Variants in IGF2R observed in about 807,000 individuals in gnomAD.
IGF2R encodes insulin like growth factor 2 receptor, also known as cation-independent mannose-6-phosphate receptor.
Under a neutral mutation model 270.6 loss-of-function variants are expected in IGF2R, and 91 were observed. That is an observed-to-expected ratio of 0.34 (90% CI 0.28 to 0.40). IGF2R has a LOEUF of 0.40. Ranked by LOEUF, IGF2R falls within the 10% of genes least tolerant of loss-of-function variation. The pLI is 1.00. For synonymous variants in IGF2R, 1,316 were observed against 1,258.9 expected, an observed-to-expected ratio of 1.05 and a Z score of -0.96; for missense variants, 2,805 against 3,188.3, an observed-to-expected ratio of 0.88 and a Z score of 2.90.
chr6:160,028,681 C>T (rs886604552), intron 6 of IGF2R, among the ~76,000 whole-genome samples: 1 of 152,108 alleles, frequency 6.6e-6, no homozygotes, highest in Admixed American at 6.5e-5. Flanking sequence ...GAAGAGAACC[C>T]CAGTTCAGTA....
chr6:160,025,231 G>A (rs1392867744), intron 5 of IGF2R, among the ~76,000 whole-genome samples: 5 of 152,100 alleles, frequency 3.3e-5, no homozygotes, highest in African/African-American at 1.2e-4. Flanking sequence ...ATCTAAAAAG[G>A]GCCATGAAAA....
chr6:160,094,127 A>G, intron 44 of IGF2R: 1 of 438,056 alleles, frequency 2.3e-6, no homozygotes, highest in African/African-American at 2.0e-5. Context: ...TTGCATAACA[A>G]CCCCAAATAT....
intron 35 of IGF2R, 71 bp from the exon 36 acceptor site, chr6:160,075,776 A>C: frequency 6.6e-7 from 1 of 1,517,938 alleles, no homozygotes; most frequent in South Asian, 1.2e-5. Context: ...ATTCTGTATC[A>C]ATTCTTAATT....
chr6:160,045,349 TTTTG>T (rs1268704504), intron 13 of IGF2R, among the ~76,000 whole-genome samples: 2 of 152,204 alleles, frequency 1.3e-5, no homozygotes, highest in African/African-American at 2.4e-5. Flanking sequence ...GCTAGGGTCA[TTTTG>T]TTTGTTTGTT....
chr6:160,096,222 C>A, intron 44 of IGF2R: 1 of 432,526 alleles, frequency 2.3e-6, no homozygotes, highest in Non-Finnish European at 4.1e-6. Flanking sequence ...TAAAACAAAA[C>A]AAAAATTCTT....
intron 22 of IGF2R, among the ~76,000 whole-genome samples, chr6:160,059,514 A>C (rs1778387285): frequency 6.6e-6 from 1 of 152,176 alleles, no homozygotes; most frequent in East Asian, 1.9e-4. Context: ...TCAGGCATTC[A>C]CTGTGGGTCT....
In IGF2R at chr6:160,084,710, C is replaced by T. The variant is rs536131385; in HGVS notation, c.6069-285C>T. Among the ~76,000 whole-genome samples, 16 of 152,302 alleles carry T rather than the reference C, an allele frequency of 1.1e-4. No individual in the cohort carries two copies. The South Asian group carries it at 3.3e-3, about 32-fold the overall frequency. On this transcript the variant is annotated intron_variant, in intron 40 of 47. Coordinates refer to ENST00000356956, the MANE Select transcript of IGF2R (RefSeq NM_000876.4). The surrounding 1 kb of genome is among the most constrained non-coding windows in gnomAD (Gnocchi z 4.6). ...AGATTCTAGCCACTGCCTCTCCCAG[C>T]CCCGGAGCCCTTCTTTCTACTGTAC...
intron 4 of IGF2R, among the ~76,000 whole-genome samples, chr6:160,017,385 A>G (rs1255518436): frequency 6.6e-6 from 1 of 152,250 alleles, no homozygotes; most frequent in Non-Finnish European, 1.5e-5. Flanking sequence ...ATCCAAACCT[A>G]TAAAGCATAG....
intron 1 of IGF2R, among the ~76,000 whole-genome samples, chr6:159,990,483 G>A (rs1783960150): frequency 1.3e-5 from 2 of 152,138 alleles, no homozygotes; most frequent in East Asian, 3.8e-4. Context: ...AGTTTCTTGA[G>A]GCCTCCCTAG....
At chr6:160,023,553 T>C (rs1777484360) in intron 4 of IGF2R, among the ~76,000 whole-genome samples, 1 of 152,164 alleles carries the variant, frequency 6.6e-6, no homozygotes, top group African/African-American at 2.4e-5. Flanking sequence ...ACTCAGGCCT[T>C]ACAGCAGCCC....
intron 1 of IGF2R, among the ~76,000 whole-genome samples, chr6:159,981,307 G>A (rs1405181791): frequency 6.6e-6 from 1 of 151,864 alleles, no homozygotes; most frequent in Non-Finnish European, 1.5e-5. Flanking sequence ...GTGTGTGTCT[G>A]AGTGTCTGTG....
At position 160,083,984 on chromosome 6, in the gene IGF2R, G is replaced by A; in HGVS notation, c.5868G>A (p.Lys1956=). 9.3e-6 allele frequency: 15 copies of A among 1,613,884 alleles called. No homozygotes were observed. Among genetic ancestry groups the A allele is most frequent in the Non-Finnish European group, 1.3e-5 (15 of 1,179,742 alleles). Residue 1956 remains lysine, a synonymous_variant, in exon 40 of 48, where the codon AAG becomes AAA. Coordinates refer to ENST00000356956, the MANE Select transcript of IGF2R (RefSeq NM_000876.4). The part of the protein sequence containing the change: ...NSYRTSSIIF[K]CDEDEDIGRP... ...ACCGGACATCCAGCATCATATTTAA[G>A]TGTGATGAAGATGAGGACATTGGGA...
At chr6:159,988,512 CAAAAAAAA>C (rs59531292) in intron 1 of IGF2R, among the ~76,000 whole-genome samples, 3 of 50,478 alleles carry the variant, frequency 5.9e-5, no homozygotes, top group Admixed American at 2.2e-4. Context: ...GACTCCGTCT[CAAAAAAAA>C]AAAAAAAAAA....
At chr6:160,087,778 C>T (rs1779126768) in intron 41 of IGF2R, among the ~76,000 whole-genome samples, 1 of 152,176 alleles carries the variant, frequency 6.6e-6, no homozygotes, top group African/African-American at 2.4e-5. Context: ...CGGGTTCAAG[C>T]AATTCTCCTG....
intron 44 of IGF2R, 102 bp from the exon 45 acceptor site, chr6:160,096,337 G>C (rs1336781534): frequency 9.4e-7 from 1 of 1,058,990 alleles, no homozygotes; most frequent in African/African-American, 1.6e-5. Flanking sequence ...TCTTCTGCCT[G>C]ATTTTAAGTC....
rs1186577890 is a variant in IGF2R, at chr6:159,969,181, G to T, written c.-66G>T. ...TGCCCTGGCGGCGCGACCCCGTCCC[G>T]GGCGCGGCCCCCAGCAGTCGCGCGC... On this transcript the variant is annotated 5_prime_UTR_variant, in exon 1 of 48. Transcript: ENST00000356956. 2.1e-6 allele frequency: 2 copies of T among 943,854 alleles called. No individual in the cohort carries two copies. Among genetic ancestry groups the T allele is most frequent in the South Asian group, 9.6e-5 (2 of 20,802 alleles). 58.5% of individuals were successfully genotyped at this position (943,854 alleles called of 1,614,324 possible).
chr6:160,015,983 G>A (rs1381169826), intron 4 of IGF2R, among the ~76,000 whole-genome samples: 1 of 152,206 alleles, frequency 6.6e-6, no homozygotes, highest in Non-Finnish European at 1.5e-5. Flanking sequence ...CTCCCCAGAA[G>A]CCGAGCTATG....
At chr6:160,025,752 A>G (rs1476122752) in intron 5 of IGF2R, among the ~76,000 whole-genome samples, 1 of 152,174 alleles carries the variant, frequency 6.6e-6, no homozygotes, top group East Asian at 1.9e-4. Context: ...GAAAAAGACT[A>G]ATACAGTCTT....
chr6:160,070,879 T>C (rs1379483859), intron 31 of IGF2R, among the ~76,000 whole-genome samples: 1 of 152,186 alleles, frequency 6.6e-6, no homozygotes, highest in Non-Finnish European at 1.5e-5. Flanking sequence ...GGAAGTTTCC[T>C]CTTGGGAAGA....
Sources: gnomAD v4.1 joint callset for allele counts (sites outside exome capture counted in the v4.1 genomes callset) on GRCh38, gnomAD v4.1.1 for gene constraint, Gnocchi (gnomAD v3.1) non-coding constraint, MANE v1.5 for transcripts, NCBI Gene and HGNC (gene_info 2026-07-23, HGNC 2026-07-21) for gene names.